Variants in PDE6B observed in about 807,000 individuals in gnomAD.
PDE6B encodes the protein phosphodiesterase 6B.
In PDE6B, 106 loss-of-function variants were observed where a neutral mutation model predicts 109.0. The ratio of observed to expected loss-of-function variants is 0.97; its 90% CI spans 0.83 to 1.14. PDE6B has a LOEUF of 1.14. PDE6B is among the 50% of genes most tolerant of loss of function. PDE6B has a pLI of 0.00. For missense variants in PDE6B, 1,193 were observed against 1,155.6 expected (o/e 1.03, Z -0.47); for synonymous variants, 490 against 471.3 (o/e 1.04, Z -0.51).
intron 20 of PDE6B, among the ~76,000 whole-genome samples, 189 bp from the exon 21 acceptor site, chr4:667,667 A>G (rs911271389): frequency 2.0e-5 from 3 of 152,294 alleles, no homozygotes; most frequent in Non-Finnish European, 4.4e-5. Flanking sequence ...CCCGGCTTCA[A>G]TGTCACCAAC....
At chr4:669,973 C>T in intron 21 of PDE6B, 73 bp from the exon 22 acceptor site, 1 of 1,294,444 alleles carries the variant, frequency 7.7e-7, no homozygotes, top group Non-Finnish European at 1.1e-6. Context: ...AGAGGTCACA[C>T]CAGGCAGGAG....
In PDE6B at chr4:630,243, G is replaced by A. The variant is rs973174879; in HGVS notation, c.468+4149G>A. 5.3e-5 allele frequency among the ~76,000 whole-genome samples: 8 copies of A among 152,290 alleles called. No homozygotes were observed. The East Asian group carries it at 1.5e-3, about 29-fold the overall frequency. On this transcript the variant is annotated intron_variant, in intron 1 of 21. Coordinates refer to ENST00000496514, the MANE Select transcript of PDE6B (RefSeq NM_000283.4). ...CCGAGGGATCCATCCCTGTGGCCGA[G>A]GGGAGTTTGCAGGGCTGTCATCTCA...
chr4:665,286 A>T lies in PDE6B; in HGVS notation c.2225A>T (p.Glu742Val), dbSNP rs1261540842. ...VALLVAAEFW[E>V]QGDLERTVLD... ...CTTCTCGTGGCTGCTGAGTTCTGGGAGCAAGGTGACTTGGAAAGGACAGTC... is the reference window on the plus strand; with the variant it reads ...CTTCTCGTGGCTGCTGAGTTCTGGGTGCAAGGTGACTTGGAAAGGACAGTC... Residue 742 changes from glutamate to valine, a missense_variant, in exon 19 of 22, where the codon GAG becomes GTG. Glu to Val is a moderately radical substitution (Grantham distance 121). Transcript: ENST00000496514. The surrounding 1 kb of genome is among the most constrained non-coding windows in gnomAD (Gnocchi z 4.0). 6.2e-7 allele frequency: 1 copy of T among 1,612,860 alleles called. No individual in the cohort carries two copies. Among genetic ancestry groups the T allele is most frequent in the Admixed American group, 1.7e-5 (1 of 60,022 alleles).
chr4:666,654 G>C lies in PDE6B; in HGVS notation c.2352+40G>C, dbSNP rs770791554. ...GGTGTTCCGAGCTGACTGGGGCAGGGTGGCTGGGAGCAGGCAAGGGGGCGC... is the reference window on the plus strand; with the variant it reads ...GGTGTTCCGAGCTGACTGGGGCAGGCTGGCTGGGAGCAGGCAAGGGGGCGC... On this transcript the variant is annotated intron_variant, in intron 20 of 21. Transcript: ENST00000496514. The surrounding 1 kb of genome is among the most constrained non-coding windows in gnomAD (Gnocchi z 5.6). 8 of 1,414,034 alleles carry C rather than the reference G, an allele frequency of 5.7e-6. No homozygotes were observed. Among genetic ancestry groups the C allele is most frequent in the Non-Finnish European group, 8.0e-6 (8 of 998,094 alleles). The allele number at this position is 1,414,034 out of a possible 1,614,324, so 87.6% of individuals were successfully genotyped here.
At chr4:645,290 ATTTTTTTT>A (rs530937075) in intron 3 of PDE6B, among the ~76,000 whole-genome samples, 2 of 117,758 alleles carry the variant, frequency 1.7e-5, no homozygotes, top group African/African-American at 3.3e-5. Context: ...GGCTAGTCAC[ATTTTTTTT>A]TTTTTTTTTT....
intron 2 of PDE6B, among the ~76,000 whole-genome samples, chr4:635,407 G>A (rs1444376396): frequency 8.3e-6 from 1 of 120,766 alleles, no homozygotes; most frequent in African/African-American, 3.6e-5. Flanking sequence ...CTGCCCGTGT[G>A]TTCTGTGCTG....
intron 8 of PDE6B, 81 bp from the exon 9 acceptor site, chr4:656,793 A>T: frequency 7.6e-7 from 1 of 1,321,176 alleles, no homozygotes; most frequent in Non-Finnish European, 1.1e-6. Flanking sequence ...GGGAGAAGAC[A>T]TGAGGTCACT....
At chr4:669,605 G>A (rs1327121763) in intron 21 of PDE6B, among the ~76,000 whole-genome samples, 1 of 23,054 alleles carries the variant, frequency 4.3e-5, no homozygotes, top group Non-Finnish European at 7.8e-5. Context: ...TGCTATTCCC[G>A]CTACCCCATG....
At position 634,722 on chromosome 4, in the gene PDE6B, A is replaced by G. The variant is rs1734559800; in HGVS notation, c.514A>G (p.Thr172Ala). 1 of 1,612,912 alleles carries G rather than the reference A, an allele frequency of 6.2e-7. No individual in the cohort carries two copies. Among genetic ancestry groups the G allele is most frequent in the Admixed American group, 1.7e-5 (1 of 60,012 alleles). ...TGCTGACGAGCTCACTGACTACAAG[A>G]CAAAGAATATGCTGGCCACACCCAT... The part of the protein sequence containing the change: ...SFADELTDYK[T>A]KNMLATPIMN... The change falls in exon 2 of 22, where the codon ACA becomes GCA. Residue 172 changes from threonine (T) to alanine (A), a missense_variant. By Grantham distance (58) the Thr-to-Ala change is moderately conservative. Coordinates refer to ENST00000496514, the MANE Select transcript of PDE6B (RefSeq NM_000283.4).
In PDE6B at chr4:668,105, G is replaced by C. The variant is rs1341116180; in HGVS notation, c.2503+99G>C. ...AGCAGAGTTAAAATGGAGAAAAGCA[G>C]AGCCACTTTCAAGAAGCCTCGAGGT... On this transcript the variant is annotated intron_variant, in intron 21 of 21. Coordinates refer to ENST00000496514, the MANE Select transcript of PDE6B (RefSeq NM_000283.4). The C allele has an allele frequency of 1.8e-5, 23 of 1,247,134 alleles. No homozygotes were observed. The East Asian group carries it at 5.6e-4, about 30-fold the overall frequency. The allele number at this position is 1,247,134 out of a possible 1,614,324, so 77.3% of individuals were successfully genotyped here. A position where few individuals can be genotyped will look rare whatever the true frequency, so the allele number is the denominator to read the frequency against.
Position 626,396 on chromosome 4 carries a change from C to T in PDE6B, c.468+302C>T, listed in dbSNP as rs545090980. 1.3e-5 allele frequency among the ~76,000 whole-genome samples: 2 copies of T among 152,342 alleles called. No individual in the cohort carries two copies. The highest frequency in any genetic ancestry group is 2.1e-4 in the South Asian group (1 of 4,826). On this transcript the variant is annotated intron_variant, in intron 1 of 21. Transcript: ENST00000496514. This position sits in a 1 kb window ranked among gnomAD's most constrained non-coding sequence, Gnocchi z 4.6. ...TCAAACCGGGGTGCCCCTGATTCTG[C>T]ATCCACATCCCATGGTGGGGACCAT...
rs1157436132 is a variant in PDE6B, at chr4:660,479, C to T, written c.1480C>T (p.Pro494Ser). 6.2e-7 allele frequency: 1 copy of T among 1,613,916 alleles called. No individual in the cohort carries two copies. The highest frequency in any genetic ancestry group is 1.7e-5 in the Admixed American group (1 of 60,020). ...ATCCCTCCCACAGAAGGAGGAGCTG[C>T]CAGGGCCCACCACATTTGACATCTA... ...ELGEILKEELPGPTTFDIYEF... is the reference protein window; with the variant it reads ...ELGEILKEELSGPTTFDIYEF... The change falls in exon 12 of 22, where the codon CCA becomes TCA. Residue 494 changes from proline (P) to serine (S), a missense_variant. Transcript: ENST00000496514.
At chr4:645,270 G>A (rs1735142286) in intron 3 of PDE6B, among the ~76,000 whole-genome samples, 1 of 150,648 alleles carries the variant, frequency 6.6e-6, no homozygotes, top group Admixed American at 6.6e-5. Flanking sequence ...TCTGTCAAGT[G>A]GTGTATTTAG....
At chr4:655,693 ACCCCCAGACCCCT>A (rs2109205699) in intron 6 of PDE6B, 1 of 593,384 alleles carries the variant, frequency 1.7e-6, no homozygotes, top group South Asian at 1.9e-5. Flanking sequence ...TGAGCCAGAG[ACCCCCAGACCCCT>A]GCACACACGC....
chr4:670,502 G>A lies in PDE6B; in HGVS notation c.*395G>A. 1 of 248,016 alleles carries A rather than the reference G, an allele frequency of 4.0e-6. No individual in the cohort carries two copies. The highest frequency in any genetic ancestry group is 4.4e-5 in the South Asian group (1 of 22,950). The allele number at this position is 248,016 out of a possible 1,614,324, so 15.4% of individuals were successfully genotyped here. The stretch of plus-strand genomic sequence containing the variant: ...AGGTGATCACCCGCCTCAGCTTCCT[G>A]AAGTGCTGGGATTACAGGCATGAGC... On this transcript the variant is annotated 3_prime_UTR_variant, in exon 22 of 22. Transcript: ENST00000496514.
At chr4:643,080 C>T (rs577497631) in intron 3 of PDE6B, among the ~76,000 whole-genome samples, 45 of 152,124 alleles carry the variant, frequency 3.0e-4, no homozygotes, top group African/African-American at 1.0e-3. Context: ...GAGGTTGAGG[C>T]GGGCGGATCA....
chr4:626,212 G>T lies in PDE6B; in HGVS notation c.468+118G>T. ...AGGGAGGCCTCTTGTCAGGGCACAG[G>T]CTAGTTCTGTGCTGAGGAGCAAGTA... On this transcript the variant is annotated intron_variant, in intron 1 of 21. Coordinates refer to ENST00000496514, the MANE Select transcript of PDE6B (RefSeq NM_000283.4). The surrounding 1 kb of genome is among the most constrained non-coding windows in gnomAD (Gnocchi z 4.6). The T allele has an allele frequency of 2.9e-6, 2 of 693,394 alleles. No homozygotes were observed. The highest frequency in any genetic ancestry group is 5.1e-6 in the Non-Finnish European group (2 of 392,384). 43.0% of individuals were successfully genotyped at this position (693,394 alleles called of 1,614,324 possible).
At chr4:657,842 G>T (rs1264582604) in intron 10 of PDE6B, among the ~76,000 whole-genome samples, 3 of 140,908 alleles carry the variant, frequency 2.1e-5, no homozygotes, top group Admixed American at 1.4e-4. Context: ...TCGTCCAGGG[G>T]TCACCCAGGG....
intron 3 of PDE6B, among the ~76,000 whole-genome samples, chr4:637,872 A>G (rs1208632148): frequency 6.6e-6 from 1 of 152,228 alleles, no homozygotes; most frequent in Admixed American, 6.5e-5. Context: ...ATTCCCATGC[A>G]ACAGTGGGAT....
Sources: allele counts gnomAD v4.1 joint callset (sites outside exome capture counted in the v4.1 genomes callset), GRCh38; gene constraint gnomAD v4.1.1; non-coding constraint Gnocchi (gnomAD v3.1); transcripts MANE v1.5; gene names NCBI Gene and HGNC (gene_info 2026-07-23, HGNC 2026-07-21).